DTL: variants seen among roughly 807,000 people sequenced by gnomAD.
DTL encodes denticleless protein homolog.
In DTL, 46 loss-of-function variants were observed where a neutral mutation model predicts 87.0. The ratio of observed to expected loss-of-function variants is 0.53; its 90% CI spans 0.42 to 0.68. The LOEUF is 0.68. Ranked by LOEUF, DTL falls within the 30% of genes least tolerant of loss-of-function variation. DTL has a pLI of 0.00. For missense variants in DTL, 737 were observed against 869.4 expected, an observed-to-expected ratio of 0.85 and a Z score of 1.91; for synonymous variants, 308 against 311.2, an observed-to-expected ratio of 0.99 and a Z score of 0.11.
At chr1:212,099,220 T>TTTG (rs1655539294) in intron 13 of DTL, among the ~76,000 whole-genome samples, 1 of 151,256 alleles carries the variant, frequency 6.6e-6, no homozygotes, top group African/African-American at 2.4e-5. Flanking sequence ...TCACACTGTT[T>TTTG]TTTGTTTGTT....
chr1:212,101,587 G>A (rs1655627613), intron 14 of DTL, among the ~76,000 whole-genome samples: 1 of 152,144 alleles, frequency 6.6e-6, no homozygotes. Flanking sequence ...GTGAAACTTA[G>A]ATACTTACAA....
intron 5 of DTL, 92 bp downstream of exon 5, chr1:212,047,509 A>G (rs562769896): frequency 1.1e-5 from 16 of 1,480,280 alleles, no homozygotes; most frequent in African/African-American, 8.4e-5. Context: ...TCCCCTGTCA[A>G]AGTTACTGCT....
rs1172544114 is a variant in DTL, at chr1:212,104,673, G to A, written c.*1733G>A. On this transcript the variant is annotated 3_prime_UTR_variant, in exon 15 of 15. Coordinates refer to ENST00000366991, the MANE Select transcript of DTL (RefSeq NM_016448.4). Reference sequence around the variant, plus strand: ...CTGGCAGCCCTACTGAGTGAAATTGGGATACATTTGGCTGTCAGAAATTAT... The same window carrying A: ...CTGGCAGCCCTACTGAGTGAAATTGAGATACATTTGGCTGTCAGAAATTAT... The A allele has an allele frequency of 6.6e-6, 1 of 152,100 alleles. No homozygotes were observed. Among genetic ancestry groups the A allele is most frequent in the Non-Finnish European group, 1.5e-5 (1 of 67,986 alleles). The allele number at this position is 152,100 out of a possible 1,614,324, so 9.4% of individuals were successfully genotyped here.
chr1:212,076,131 GT>G (rs1654822869), intron 11 of DTL, among the ~76,000 whole-genome samples: 1 of 152,134 alleles, frequency 6.6e-6, no homozygotes, highest in Admixed American at 6.5e-5. Flanking sequence ...CATTTGAGCT[GT>G]TTCCATTTTT....
chr1:212,045,565 TA>T (rs1667783967), intron 3 of DTL, among the ~76,000 whole-genome samples: 1 of 152,104 alleles, frequency 6.6e-6, no homozygotes, highest in African/African-American at 2.4e-5. Context: ...ACAAAGACTA[TA>T]AATGATGTAG....
Position 212,047,294 on chromosome 1 carries a change from A to G in DTL, c.340-3A>G. ...TAAATTGTGTTTACCTTATTTTTGAAAGGTTACAGCAGCAGGTGATCAAAC... is the reference window on the plus strand; with the variant it reads ...TAAATTGTGTTTACCTTATTTTTGAGAGGTTACAGCAGCAGGTGATCAAAC... On this transcript the variant is annotated splice_polypyrimidine_tract_variant and splice_region_variant and intron_variant, in intron 4 of 14. Transcript: ENST00000366991. The G allele has an allele frequency of 6.2e-7, 1 of 1,614,136 alleles. No homozygotes were observed. Among genetic ancestry groups the G allele is most frequent in the Non-Finnish European group, 8.5e-7 (1 of 1,180,032 alleles).
chr1:212,069,824 G>A (rs1353963826), intron 10 of DTL, among the ~76,000 whole-genome samples: 1 of 152,086 alleles, frequency 6.6e-6, no homozygotes, highest in Non-Finnish European at 1.5e-5. Context: ...GATTACAGGC[G>A]TGAGCCACCA....
At chr1:212,058,097 G>C (rs985170995) in intron 5 of DTL, among the ~76,000 whole-genome samples, 1 of 152,078 alleles carries the variant, frequency 6.6e-6, no homozygotes, top group Non-Finnish European at 1.5e-5. Context: ...AGATCTAAAG[G>C]GAGAGACTCC....
chr1:212,085,447 T>C (rs887875861), intron 13 of DTL, among the ~76,000 whole-genome samples: 1 of 152,260 alleles, frequency 6.6e-6, no homozygotes, highest in Admixed American at 6.5e-5. Context: ...TATATTTTCC[T>C]TGGTGAAATG....
chr1:212,061,892 T>C (rs1020434650), intron 5 of DTL, among the ~76,000 whole-genome samples: 1 of 152,162 alleles, frequency 6.6e-6, no homozygotes, highest in Non-Finnish European at 1.5e-5. Context: ...GGTTGCTTGA[T>C]GGATACAAGC....
At chr1:212,097,781 G>C (rs1451777255) in intron 13 of DTL, among the ~76,000 whole-genome samples, 2 of 152,020 alleles carry the variant, frequency 1.3e-5, no homozygotes, top group Non-Finnish European at 2.9e-5. Context: ...ATCTTTTAGG[G>C]GTGGTTATAG....
At chr1:212,070,154 C>T (rs1654628598) in intron 10 of DTL, among the ~76,000 whole-genome samples, 1 of 152,146 alleles carries the variant, frequency 6.6e-6, no homozygotes, top group Non-Finnish European at 1.5e-5. Context: ...TACAAGAGCT[C>T]TTTCTATATA....
chr1:212,098,436 G>T (rs1655512472), intron 13 of DTL, among the ~76,000 whole-genome samples: 1 of 152,118 alleles, frequency 6.6e-6, no homozygotes, highest in South Asian at 2.1e-4. Flanking sequence ...CGGTTTCCTG[G>T]ATAGGTTTTC....
intron 13 of DTL, among the ~76,000 whole-genome samples, chr1:212,099,266 G>C (rs749983675): frequency 7.9e-5 from 12 of 151,768 alleles, no homozygotes; most frequent in African/African-American, 2.9e-4. Context: ...ACGGAGTCTC[G>C]CTGTCAGGCA....
intron 5 of DTL, among the ~76,000 whole-genome samples, chr1:212,059,853 AC>A (rs1426419787): frequency 6.6e-6 from 1 of 151,850 alleles, no homozygotes; most frequent in African/African-American, 2.4e-5. Flanking sequence ...AAATCAACAT[AC>A]AAAAAAAATA....
chr1:212,095,363 T>C (rs1489475276), intron 13 of DTL, among the ~76,000 whole-genome samples: 1 of 152,172 alleles, frequency 6.6e-6, no homozygotes, highest in Non-Finnish European at 1.5e-5. Context: ...TGTGTTTTCG[T>C]TTGTTTTTCT....
At chr1:212,089,664 G>T (rs1655228032) in intron 13 of DTL, among the ~76,000 whole-genome samples, 1 of 152,098 alleles carries the variant, frequency 6.6e-6, no homozygotes, top group Admixed American at 6.6e-5. Context: ...CCCAGCATTT[G>T]CTAACCTTCA....
At chr1:212,046,926 A>G (rs1017299490) in intron 3 of DTL, among the ~76,000 whole-genome samples, 1 of 152,150 alleles carries the variant, frequency 6.6e-6, no homozygotes, top group Admixed American at 6.5e-5. Flanking sequence ...AACTGTTGCT[A>G]TCTCTCCGCA....
intron 1 of DTL, among the ~76,000 whole-genome samples, chr1:212,039,721 T>C (rs1667582312): frequency 6.6e-6 from 1 of 152,212 alleles, no homozygotes; most frequent in South Asian, 2.1e-4. Flanking sequence ...TATAAACCTG[T>C]GTAGCATATT....
Sources: allele counts gnomAD v4.1 joint callset (sites outside exome capture counted in the v4.1 genomes callset), GRCh38; gene constraint gnomAD v4.1.1; transcripts MANE v1.5; gene names NCBI Gene and HGNC (gene_info 2026-07-23, HGNC 2026-07-21).